The following PIEZO2 variants were observed in gnomAD, a reference collection of about 807,000 sequenced individuals.
The protein encoded by PIEZO2 is piezo type mechanosensitive ion channel component 2.
Under a neutral mutation model 337.3 loss-of-function variants are expected in PIEZO2, and 172 were observed. That is an observed-to-expected ratio of 0.51 (90% confidence interval 0.45 to 0.58). The LOEUF is 0.58. PIEZO2 is among the 20% of genes least tolerant of loss of function. PIEZO2 has a pLI of 0.00. For missense variants in PIEZO2, 3,028 were observed against 3,391.3 expected, an observed-to-expected ratio of 0.89 and a Z score of 2.66; for synonymous variants, 1,251 against 1,228.5, an observed-to-expected ratio of 1.02 and a Z score of -0.38.
intron 4 of PIEZO2, among the ~76,000 whole-genome samples, chr18:10,892,728 C>T (rs867068535): frequency 1.1e-4 from 17 of 152,046 alleles, no homozygotes; most frequent in African/African-American, 3.6e-4. Context: ...CAATAAAGAC[C>T]GCAAGTGTGG....
intron 2 of PIEZO2, among the ~76,000 whole-genome samples, chr18:11,050,110 A>C (rs531480710): frequency 6.6e-6 from 1 of 152,212 alleles, no homozygotes; most frequent in Admixed American, 6.5e-5. Flanking sequence ...ATCTCAAAAA[A>C]GAACAACTAA....
chr18:11,086,388 G>C, intron 1 of PIEZO2, among the ~76,000 whole-genome samples: 1 of 151,480 alleles, frequency 6.6e-6, no homozygotes, highest in Non-Finnish European at 1.5e-5. Flanking sequence ...GGCGTGGTGC[G>C]GGCGCCTGTA....
At chr18:11,065,050 G>A (rs1598905576) in intron 2 of PIEZO2, among the ~76,000 whole-genome samples, 1 of 152,116 alleles carries the variant, frequency 6.6e-6, no homozygotes, top group Non-Finnish European at 1.5e-5. Flanking sequence ...TAAGGATTTA[G>A]GTGACTTAGA....
At chr18:11,030,448 C>G (rs2036689909) in intron 2 of PIEZO2, among the ~76,000 whole-genome samples, 1 of 152,166 alleles carries the variant, frequency 6.6e-6, no homozygotes, top group Non-Finnish European at 1.5e-5. Context: ...ACCCCCATCA[C>G]TTAGTGATGA....
chr18:11,097,582 G>A lies in PIEZO2; in HGVS notation c.65-31360C>T, dbSNP rs1464581241. On this transcript the variant is annotated intron_variant, in intron 1 of 55. Transcript: ENST00000674853. The surrounding 1 kb of genome is among the most constrained non-coding windows in gnomAD (Gnocchi z 5.0). ...AGCAAAAGCTATTTAGAGGAGTACA[G>A]CCTAATCACCACCACCAAAACAAGT... Among the ~76,000 whole-genome samples, 1 of 152,226 alleles carries A rather than the reference G, an allele frequency of 6.6e-6. No homozygotes were observed. Among genetic ancestry groups the A allele is most frequent in the Admixed American group, 6.5e-5 (1 of 15,280 alleles).
At position 11,070,886 on chromosome 18, in the gene PIEZO2, G is replaced by A. The variant is rs1453596315; in HGVS notation, c.65-4664C>T. Among the ~76,000 whole-genome samples, 3 of 152,126 alleles carry A rather than the reference G, an allele frequency of 2.0e-5. No individual in the cohort carries two copies. The highest frequency in any genetic ancestry group is 2.0e-4 in the Admixed American group (3 of 15,278). On this transcript the variant is annotated intron_variant, in intron 1 of 55. Coordinates refer to ENST00000674853, the MANE Select transcript of PIEZO2 (RefSeq NM_001378183.1). The surrounding 1 kb of genome is among the most constrained non-coding windows in gnomAD (Gnocchi z 4.3). ...AGGCTGAGGGGACACATCAGGATGC[G>A]AGTGGCGGGTACCCAGACAGGAAGA...
chr18:11,064,321 T>C (rs1004571068), intron 2 of PIEZO2, among the ~76,000 whole-genome samples: 3 of 152,104 alleles, frequency 2.0e-5, no homozygotes, highest in African/African-American at 7.2e-5. Context: ...AAGAGGAAAA[T>C]AAGTCATCTG....
intron 9 of PIEZO2, among the ~76,000 whole-genome samples, chr18:10,803,155 C>T (rs527268781): frequency 5.3e-5 from 8 of 152,190 alleles, no homozygotes; most frequent in East Asian, 1.9e-4. Context: ...TCATGCACCC[C>T]GACTGGATCA....
chr18:11,049,745 C>T (rs560903117), intron 2 of PIEZO2, among the ~76,000 whole-genome samples: 15 of 152,186 alleles, frequency 9.9e-5, no homozygotes, highest in East Asian at 1.9e-4. Context: ...TTCTGTCTTG[C>T]CTGCCACCAT....
At chr18:11,086,450 C>T (rs12326055) in intron 1 of PIEZO2, among the ~76,000 whole-genome samples, 5,909 of 150,904 alleles carry the variant, frequency 0.039, 136 homozygotes, top group African/African-American at 0.058. Context: ...ACCCGGGAGG[C>T]GGAGCTTGCA....
In PIEZO2 at chr18:10,707,089, G is replaced by A. The variant is rs113060098; in HGVS notation, c.5588+1186C>T. Among the ~76,000 whole-genome samples, 1,789 of 152,188 alleles carry A rather than the reference G, an allele frequency of 0.012. 42 individuals carry two copies. Among genetic ancestry groups the A allele is most frequent in the African/African-American group, 0.04 (1,650 of 41,502 alleles). Reference sequence around the variant, plus strand: ...TCCCCAGGGCTGTGTCCTTGAGTGCGCACATCATGTACGGGCTGGTGAAAT... The same window carrying A: ...TCCCCAGGGCTGTGTCCTTGAGTGCACACATCATGTACGGGCTGGTGAAAT... On this transcript the variant is annotated intron_variant, in intron 40 of 55. Coordinates refer to ENST00000674853, the MANE Select transcript of PIEZO2 (RefSeq NM_001378183.1). The surrounding 1 kb of genome is among the most constrained non-coding windows in gnomAD (Gnocchi z 4.2).
intron 2 of PIEZO2, among the ~76,000 whole-genome samples, chr18:11,051,596 A>G (rs2037540310): frequency 6.6e-6 from 1 of 152,222 alleles, no homozygotes; most frequent in African/African-American, 2.4e-5. Flanking sequence ...GCAAGAGCAC[A>G]TATTCACAAA....
chr18:11,024,942 GTTTT>G (rs554949643), intron 2 of PIEZO2, among the ~76,000 whole-genome samples: 6,542 of 144,084 alleles, frequency 0.045, 414 homozygotes, highest in African/African-American at 0.14. Flanking sequence ...CCCAGCGAAG[GTTTT>G]TTTTTTTTTT....
At chr18:10,793,597 T>A (rs1329965860) in intron 13 of PIEZO2, among the ~76,000 whole-genome samples, 1 of 152,228 alleles carries the variant, frequency 6.6e-6, no homozygotes. Flanking sequence ...TTTGATTTTT[T>A]AAAATAGAAT....
intron 2 of PIEZO2, among the ~76,000 whole-genome samples, chr18:11,010,969 A>T (rs1398506283): frequency 6.6e-6 from 1 of 152,212 alleles, no homozygotes; most frequent in East Asian, 1.9e-4. Flanking sequence ...TGCTAAATTG[A>T]TGTGTTCATG....
Position 11,002,282 on chromosome 18 carries a change from G to T in PIEZO2, c.161-22622C>A, listed in dbSNP as rs911596297. Among the ~76,000 whole-genome samples, 1 of 152,180 alleles carries T rather than the reference G, an allele frequency of 6.6e-6. No individual in the cohort carries two copies. The highest frequency in any genetic ancestry group is 1.5e-5 in the Non-Finnish European group (1 of 68,038). On this transcript the variant is annotated intron_variant, in intron 2 of 55. Coordinates refer to ENST00000674853, the MANE Select transcript of PIEZO2 (RefSeq NM_001378183.1). This position sits in a 1 kb window ranked among gnomAD's most constrained non-coding sequence, Gnocchi z 4.3. ...AAAATACAGCAGTGAGTAGAGGCTG[G>T]TTCAGTCTATAGGCTGTAGTTTGCT...
intron 11 of PIEZO2, 76 bp downstream of exon 11, chr18:10,800,261 A>G: frequency 6.8e-7 from 1 of 1,468,990 alleles, no homozygotes; most frequent in Admixed American, 2.8e-5. Context: ...TAAAATAAGC[A>G]ACAACAACAA....
chr18:10,781,340 C>T lies in PIEZO2; in HGVS notation c.2493-974G>A, dbSNP rs565751109. 1.1e-4 allele frequency among the ~76,000 whole-genome samples: 16 copies of T among 152,090 alleles called. No homozygotes were observed. Among genetic ancestry groups the T allele is most frequent in the African/African-American group, 3.9e-4 (16 of 41,520 alleles). ...GAAAAATTAGCCAGGCATGGTGGCA[C>T]ATGCCTGTAGTCCCAGCTACTTGGG... On this transcript the variant is annotated intron_variant, in intron 17 of 55. Coordinates refer to ENST00000674853, the MANE Select transcript of PIEZO2 (RefSeq NM_001378183.1). The surrounding 1 kb of genome is among the most constrained non-coding windows in gnomAD (Gnocchi z 4.1).
chr18:10,885,593 G>A (rs932924861), intron 4 of PIEZO2, among the ~76,000 whole-genome samples: 3 of 152,150 alleles, frequency 2.0e-5, no homozygotes, highest in African/African-American at 4.8e-5. Context: ...ATCTAGAAAT[G>A]AGAACGAATG....
Sources: gnomAD v4.1 joint callset for allele counts (sites outside exome capture counted in the v4.1 genomes callset) on GRCh38, gnomAD v4.1.1 for gene constraint, Gnocchi (gnomAD v3.1) non-coding constraint, MANE v1.5 for transcripts, NCBI Gene and HGNC (gene_info 2026-07-23, HGNC 2026-07-21) for gene names.